DYTN: variants seen among roughly 807,000 people sequenced by gnomAD.
DYTN encodes the protein dystrotelin.
In DYTN, 75 loss-of-function variants were observed where a neutral mutation model predicts 69.6. The ratio of observed to expected loss-of-function variants is 1.08; its 90% CI spans 0.89 to 1.31. DYTN has a LOEUF of 1.31. Ranked by LOEUF, DYTN falls within the 50% of genes most tolerant of loss-of-function variation. DYTN has a pLI of 0.00. For synonymous variants in DYTN, 252 were observed against 249.1 expected (o/e 1.01, Z -0.11); for missense variants, 726 against 688.4 (o/e 1.05, Z -0.61).
At chr2:206,663,455 G>A (rs1054360213) in intron 10 of DYTN, 60 bp from the exon 11 acceptor site, 6 of 1,470,576 alleles carry the variant, frequency 4.1e-6, no homozygotes, top group Middle Eastern at 1.8e-4. Context: ...TTTCATAAAT[G>A]CATTACATTT....
chr2:206,685,602 A>G (rs368022160), intron 9 of DYTN, among the ~76,000 whole-genome samples: 29 of 152,246 alleles, frequency 1.9e-4, no homozygotes, highest in African/African-American at 7.0e-4. Flanking sequence ...CTTCAGGTCA[A>G]AAAACCCTGG....
chr2:206,699,725 A>T lies in DYTN; in HGVS notation c.719+2T>A, dbSNP rs369174416. 41 of 1,612,086 alleles carry T rather than the reference A, an allele frequency of 2.5e-5. No homozygotes were observed. In the African/African-American group the frequency reaches 4.4e-4, roughly 17 times the overall value. On this transcript the variant is annotated splice_donor_variant, in intron 7 of 11. Coordinates refer to ENST00000452335, the MANE Select transcript of DYTN (RefSeq NM_001093730.1). LOFTEE classifies it high-confidence loss of function. ...TCCAAGAAATGCTGCTGATGACTGTACCTGAGTCCCGTGATTGGGAAAGTC... is the reference window on the plus strand; with the variant it reads ...TCCAAGAAATGCTGCTGATGACTGTTCCTGAGTCCCGTGATTGGGAAAGTC...
intron 1 of DYTN, among the ~76,000 whole-genome samples, chr2:206,716,129 AAG>A (rs1194662983): frequency 1.3e-5 from 2 of 152,096 alleles, no homozygotes; most frequent in Non-Finnish European, 2.9e-5. Flanking sequence ...AAAAGAAAGA[AAG>A]AAAGTGAACT....
At chr2:206,684,112 C>T (rs1172709104) in intron 9 of DYTN, among the ~76,000 whole-genome samples, 2 of 151,776 alleles carry the variant, frequency 1.3e-5, no homozygotes, top group Non-Finnish European at 2.9e-5. Context: ...GTTCCTAGAA[C>T]AACATTCAAT....
intron 9 of DYTN, chr2:206,670,484 C>T (rs1316557682): frequency 6.6e-6 from 1 of 151,908 alleles, no homozygotes; most frequent in Non-Finnish European, 1.5e-5. Context: ...ACTCATGTGG[C>T]TCCTATCTTC....
chr2:206,677,574 A>G (rs909988160), intron 9 of DYTN, among the ~76,000 whole-genome samples: 1 of 152,234 alleles, frequency 6.6e-6, no homozygotes, highest in Non-Finnish European at 1.5e-5. Flanking sequence ...TTTAAAAGCT[A>G]TGTGTCAAGA....
At chr2:206,692,689 T>A (rs888219958) in intron 9 of DYTN, among the ~76,000 whole-genome samples, 3 of 152,172 alleles carry the variant, frequency 2.0e-5, no homozygotes, top group African/African-American at 7.2e-5. Flanking sequence ...TTTTGGGAAC[T>A]AAGAATGAAA....
chr2:206,681,322 G>A (rs1306826942), intron 9 of DYTN, among the ~76,000 whole-genome samples: 1 of 152,148 alleles, frequency 6.6e-6, no homozygotes, highest in Admixed American at 6.6e-5. Context: ...TCTGCAGACA[G>A]AGACAATTTG....
intron 11 of DYTN, among the ~76,000 whole-genome samples, chr2:206,653,146 A>T (rs986572804): frequency 6.6e-6 from 1 of 152,204 alleles, no homozygotes; most frequent in African/African-American, 2.4e-5. Context: ...TTATTGTCTG[A>T]CTAACAAACC....
intron 9 of DYTN, among the ~76,000 whole-genome samples, chr2:206,666,774 C>G (rs1475990788): frequency 3.9e-5 from 5 of 128,338 alleles, no homozygotes; most frequent in African/African-American, 9.0e-5. Context: ...TGTGTGTTAT[C>G]TTAGTGCTTT....
Position 206,701,874 on chromosome 2 carries a change from T to C in DYTN, c.484-1658A>G, listed in dbSNP as rs377114002. Among the ~76,000 whole-genome samples the C allele has an allele frequency of 9.8e-5, 15 of 152,320 alleles. No individual in the cohort carries two copies. The East Asian group carries it at 2.9e-3, about 29-fold the overall frequency. On this transcript the variant is annotated intron_variant, in intron 5 of 11. Transcript: ENST00000452335. ...TTAATCTTTATGCAGTGTATATCTA[T>C]CTCAAAACATCATGTCGTACACCTT...
At chr2:206,671,275 G>GT (rs1435523700) in intron 9 of DYTN, among the ~76,000 whole-genome samples, 1 of 152,078 alleles carries the variant, frequency 6.6e-6, no homozygotes, top group Non-Finnish European at 1.5e-5. Flanking sequence ...ATCTGAAGAG[G>GT]GGCTGGCCAT....
chr2:206,664,542 T>A (rs1328402897), intron 10 of DYTN, among the ~76,000 whole-genome samples: 1 of 152,014 alleles, frequency 6.6e-6, no homozygotes, highest in Admixed American at 6.5e-5. Context: ...GAGCCTGAGA[T>A]CCTAGCTAGC....
chr2:206,705,719 T>C (rs1700018308), intron 4 of DYTN, 69 bp downstream of exon 4: 1 of 1,410,050 alleles, frequency 7.1e-7, no homozygotes, highest in African/African-American at 1.4e-5. Context: ...GTGGCAGGGA[T>C]ATAGGATAAC....
chr2:206,653,047 T>C (rs1015009131), intron 11 of DYTN, among the ~76,000 whole-genome samples: 14 of 152,196 alleles, frequency 9.2e-5, no homozygotes, highest in Non-Finnish European at 1.3e-4. Flanking sequence ...GTGCTGTTTT[T>C]TGTTGAACAT....
intron 1 of DYTN, among the ~76,000 whole-genome samples, chr2:206,715,301 C>T (rs1460391481): frequency 6.6e-6 from 1 of 152,154 alleles, no homozygotes; most frequent in Non-Finnish European, 1.5e-5. Context: ...TTCCCAGCCT[C>T]CTTGGGCTTT....
intron 9 of DYTN, chr2:206,670,710 G>C (rs2105890550): frequency 6.6e-6 from 1 of 152,302 alleles, no homozygotes; most frequent in East Asian, 1.9e-4. Flanking sequence ...ATTCGTGTAT[G>C]ATGACGCAGA....
rs1700147557 is a variant in DYTN, at chr2:206,718,253, A to T, written c.19+8T>A. On this transcript the variant is annotated splice_region_variant and intron_variant, in intron 1 of 11. Transcript: ENST00000452335. ...AACTATGCTCAGAAACTTGACAATA[A>T]TACTCACCTTGTTTATCTGGATCCA... is the stretch of plus-strand genomic sequence containing the variant. 1 of 1,596,226 alleles carries T rather than the reference A, an allele frequency of 6.3e-7. No homozygotes were observed. Among genetic ancestry groups the T allele is most frequent in the African/African-American group, 1.3e-5 (1 of 74,336 alleles).
chr2:206,703,515 TA>T (rs112568294), intron 5 of DYTN, among the ~76,000 whole-genome samples: 20 of 149,164 alleles, frequency 1.3e-4, no homozygotes, highest in South Asian at 1.3e-3. Context: ...ACCTTATAAA[TA>T]AAAAAAAAAT....
Sources: gnomAD v4.1 joint callset for allele counts (sites outside exome capture counted in the v4.1 genomes callset) on GRCh38, gnomAD v4.1.1 for gene constraint, MANE v1.5 for transcripts, NCBI Gene and HGNC (gene_info 2026-07-23, HGNC 2026-07-21) for gene names.